Variants in PRKAR2B observed in about 807,000 individuals in gnomAD.
PRKAR2B encodes the protein cAMP-dependent protein kinase type II-beta regulatory subunit.
A neutral mutation model predicts 49.9 loss-of-function variants in PRKAR2B; 14 were observed. The ratio of observed to expected loss-of-function variants is 0.28; its 90% confidence interval spans 0.19 to 0.44. PRKAR2B has a LOEUF of 0.44. PRKAR2B is among the 20% of genes least tolerant of loss of function. The pLI, the probability that PRKAR2B is intolerant of heterozygous loss-of-function variation, is 1.00. For synonymous variants in PRKAR2B, 196 were observed against 197.7 expected (o/e 0.99, Z 0.07); for missense variants, 393 against 537.9 (o/e 0.73, Z 2.67).
At chr7:107,094,099 A>G (rs1440697489) in intron 2 of PRKAR2B, among the ~76,000 whole-genome samples, 1 of 152,226 alleles carries the variant, frequency 6.6e-6, no homozygotes, top group Non-Finnish European at 1.5e-5. Flanking sequence ...TGTCTTCCAC[A>G]ACAGTTGAAC....
rs183037235 is a variant in PRKAR2B at position 107,142,636 on chromosome 7, G to T, written c.587+1683G>T. Reference sequence around the variant, plus strand: ...AGCACTTGGTTCAGATCACCCAAATGACTGGCGTAGAGCCAACTCCACAGC... The same window carrying T: ...AGCACTTGGTTCAGATCACCCAAATTACTGGCGTAGAGCCAACTCCACAGC... On this transcript the variant is annotated intron_variant, in intron 5 of 10. Transcript: ENST00000265717. Among the ~76,000 whole-genome samples, 167 of 152,270 alleles carry T rather than the reference G, an allele frequency of 1.1e-3. 2 individuals carry two copies. Among genetic ancestry groups the T allele is most frequent in the Admixed American group, 8.9e-3 (136 of 15,298 alleles).
At chr7:107,065,504 G>GT (rs1794121428) in intron 1 of PRKAR2B, among the ~76,000 whole-genome samples, 1 of 151,970 alleles carries the variant, frequency 6.6e-6, no homozygotes, top group Non-Finnish European at 1.5e-5. Flanking sequence ...ATTATCTTAG[G>GT]TTTTTTAGTC....
chr7:107,082,549 A>G (rs1794533049), intron 2 of PRKAR2B, among the ~76,000 whole-genome samples: 1 of 152,212 alleles, frequency 6.6e-6, no homozygotes, highest in Non-Finnish European at 1.5e-5. Flanking sequence ...ACAATTAATT[A>G]GAAGTTAAGT....
At chr7:107,076,677 T>G (rs139094572) in intron 2 of PRKAR2B, among the ~76,000 whole-genome samples, 2 of 152,348 alleles carry the variant, frequency 1.3e-5, no homozygotes, top group East Asian at 1.9e-4. Flanking sequence ...TCTCATGTAG[T>G]TAACCACTCT....
chr7:107,093,778 T>TG (rs965873318), intron 2 of PRKAR2B, among the ~76,000 whole-genome samples: 7 of 151,898 alleles, frequency 4.6e-5, no homozygotes, highest in Non-Finnish European at 1.0e-4. Flanking sequence ...TTTCTGTCCT[T>TG]GCGATAGTTT....
intron 1 of PRKAR2B, 83 bp from the exon 2 acceptor site, chr7:107,070,198 A>T (rs1017405667): frequency 1.2e-5 from 11 of 950,830 alleles, no homozygotes; most frequent in Non-Finnish European, 1.5e-5. Context: ...AAATTATAAG[A>T]TGGTTTACCA....
rs533024265 is a variant in PRKAR2B at position 107,086,310 on chromosome 7, C to T, written c.343+15994C>T. On this transcript the variant is annotated intron_variant, in intron 2 of 10. Transcript: ENST00000265717. ...TTAGTCTGAACTTCAGTTCATTATC[C>T]GTAAAATGTGGTAGTAAGACTGCCC... is the stretch of plus-strand genomic sequence containing the variant. 5.3e-5 allele frequency among the ~76,000 whole-genome samples: 8 copies of T among 151,952 alleles called. No homozygotes were observed. In the South Asian group the frequency reaches 8.3e-4, roughly 16 times the overall value.
chr7:107,049,802 T>C (rs1793766919), intron 1 of PRKAR2B, among the ~76,000 whole-genome samples: 1 of 152,194 alleles, frequency 6.6e-6, no homozygotes, highest in Non-Finnish European at 1.5e-5. Context: ...CAGGATTTTG[T>C]AATTAATGAG....
intron 1 of PRKAR2B, 81 bp from the exon 2 acceptor site, chr7:107,070,200 G>A: frequency 1.0e-6 from 1 of 973,508 alleles, no homozygotes; most frequent in Non-Finnish European, 1.6e-6. Context: ...ATTATAAGAT[G>A]GTTTACCAAT....
intron 1 of PRKAR2B, among the ~76,000 whole-genome samples, chr7:107,054,084 C>A (rs1280184801): frequency 6.6e-6 from 1 of 152,114 alleles, no homozygotes; most frequent in Admixed American, 6.5e-5. Flanking sequence ...TGTGGTGGCT[C>A]ACAGCCTGTA....
At chr7:107,131,282 ATGT>A (rs577019104) in intron 4 of PRKAR2B, among the ~76,000 whole-genome samples, 313 of 152,270 alleles carry the variant, frequency 2.1e-3, no homozygotes, top group Non-Finnish European at 3.4e-3. Context: ...CTTTCCTGGG[ATGT>A]TGTCTCTTCT....
chr7:107,050,157 AG>A (rs1209870852), intron 1 of PRKAR2B, among the ~76,000 whole-genome samples: 1 of 152,064 alleles, frequency 6.6e-6, no homozygotes, highest in African/African-American at 2.4e-5. Context: ...CAGAAGGGAA[AG>A]GGGGAGGGAG....
At chr7:107,073,923 A>C (rs943206040) in intron 2 of PRKAR2B, among the ~76,000 whole-genome samples, 2 of 151,898 alleles carry the variant, frequency 1.3e-5, no homozygotes, top group Non-Finnish European at 2.9e-5. Context: ...TTAGTCAGGC[A>C]TGGTGGCGCG....
At chr7:107,121,876 A>C in intron 2 of PRKAR2B, 76 bp from the exon 3 acceptor site, 1 of 795,550 alleles carries the variant, frequency 1.3e-6, no homozygotes. Flanking sequence ...TTTGTTCATT[A>C]AGTGTTAACG....
intron 1 of PRKAR2B, among the ~76,000 whole-genome samples, chr7:107,050,368 T>G (rs1436337898): frequency 7.6e-6 from 1 of 131,930 alleles, no homozygotes; most frequent in Non-Finnish European, 1.6e-5. Flanking sequence ...TTTTTGTGGA[T>G]GCACATAAAT....
chr7:107,109,276 A>G (rs1317508673), intron 2 of PRKAR2B, among the ~76,000 whole-genome samples: 1 of 151,804 alleles, frequency 6.6e-6, no homozygotes, highest in Non-Finnish European at 1.5e-5. Context: ...TTGTTTTTTT[A>G]AGAGACAGGT....
At position 107,087,127 on chromosome 7, in the gene PRKAR2B, C is replaced by A. The variant is rs111810698; in HGVS notation, c.343+16811C>A. On this transcript the variant is annotated intron_variant, in intron 2 of 10. Transcript: ENST00000265717. ...AGTATATTATTTTGACAGTCTAAGT[C>A]CTCTTACTTAAGATTGATTTTAGAT... Among the ~76,000 whole-genome samples, 55 of 152,026 alleles carry A rather than the reference C, an allele frequency of 3.6e-4. 3 individuals carry two copies. Among genetic ancestry groups the A allele is most frequent in the African/African-American group, 1.1e-3 (45 of 41,478 alleles).
chr7:107,086,908 TA>T (rs1794630861), intron 2 of PRKAR2B, among the ~76,000 whole-genome samples: 1 of 152,228 alleles, frequency 6.6e-6, no homozygotes, highest in Non-Finnish European at 1.5e-5. Flanking sequence ...TTATTAATTA[TA>T]TTCTTAAAAT....
At chr7:107,052,689 C>T (rs182602295) in intron 1 of PRKAR2B, among the ~76,000 whole-genome samples, 1 of 152,270 alleles carries the variant, frequency 6.6e-6, no homozygotes, top group East Asian at 1.9e-4. Flanking sequence ...AAGCACATAT[C>T]AAAAAATAAG....
Sources: gnomAD v4.1 joint callset for allele counts (sites outside exome capture counted in the v4.1 genomes callset) on GRCh38, gnomAD v4.1.1 for gene constraint, MANE v1.5 for transcripts, NCBI Gene and HGNC (gene_info 2026-07-23, HGNC 2026-07-21) for gene names.